ABTB3: variants seen among roughly 807,000 people sequenced by gnomAD.
ABTB3 encodes the protein ankyrin repeat- and BTB/POZ domain-containing protein 3.
At chr12:107,392,816 AAATG>A in the ABTB3 span, among the ~76,000 whole-genome samples, 3 of 152,212 alleles carry the variant, frequency 2.0e-5, no homozygotes, top group African/African-American at 7.2e-5. Flanking sequence ...ATGTTTACTA[AAATG>A]AAGTAAAACA....
the ABTB3 span, among the ~76,000 whole-genome samples, chr12:107,362,802 A>AG: frequency 6.6e-6 from 1 of 152,126 alleles, no homozygotes; most frequent in African/African-American, 2.4e-5. Context: ...AAAAAAAAAA[A>AG]AGATAGCTAA....
chr12:107,573,446 GTGGCTGGGTGGATGAATCGA>G, the ABTB3 span, among the ~76,000 whole-genome samples: 5 of 150,758 alleles, frequency 3.3e-5, no homozygotes, highest in African/African-American at 4.9e-5. Flanking sequence ...GAATGGATGG[GTGGCTGGGTGGATGAATCGA>G]TGGATGGATG....
the ABTB3 span, among the ~76,000 whole-genome samples, chr12:107,428,009 T>C: frequency 6.6e-6 from 1 of 151,786 alleles, no homozygotes; most frequent in African/African-American, 2.4e-5. Flanking sequence ...GCCCTCCTTG[T>C]TTCCACCTCA....
chr12:107,606,928 T>A, the ABTB3 span, among the ~76,000 whole-genome samples: 5 of 152,290 alleles, frequency 3.3e-5, no homozygotes, highest in East Asian at 9.7e-4. Flanking sequence ...GCTCTCTTAC[T>A]CTGGCCCGCC....
chr12:107,347,845 C>G, the ABTB3 span, among the ~76,000 whole-genome samples: 3 of 152,076 alleles, frequency 2.0e-5, no homozygotes, highest in Non-Finnish European at 4.4e-5. Context: ...TTGGAAAATG[C>G]AGTTGGCCAC....
chr12:107,610,809 C>T, the ABTB3 span, among the ~76,000 whole-genome samples: 171 of 152,210 alleles, frequency 1.1e-3, no homozygotes, highest in African/African-American at 3.7e-3. Flanking sequence ...CCCTAGGAGG[C>T]GACTCAGAGA....
chr12:107,575,270 G>A, the ABTB3 span, among the ~76,000 whole-genome samples: 6 of 152,212 alleles, frequency 3.9e-5, no homozygotes, highest in South Asian at 6.2e-4. Context: ...CCTCTATGTC[G>A]CTCTGTGTAG....
chr12:107,567,466 A>G, the ABTB3 span, among the ~76,000 whole-genome samples: 1 of 152,236 alleles, frequency 6.6e-6, no homozygotes, highest in Non-Finnish European at 1.5e-5. Context: ...GTTTAGTTAC[A>G]CAAATACTTC....
the ABTB3 span, among the ~76,000 whole-genome samples, chr12:107,361,720 G>C: frequency 6.6e-6 from 1 of 152,180 alleles, no homozygotes; most frequent in Admixed American, 6.5e-5. Flanking sequence ...CAGGGAGATA[G>C]AGATGGAAAT....
chr12:107,468,344 G>A, the ABTB3 span, among the ~76,000 whole-genome samples: 1 of 152,118 alleles, frequency 6.6e-6, no homozygotes. Context: ...TGGGAGAGAG[G>A]GAAGCTGACC....
the ABTB3 span, among the ~76,000 whole-genome samples, chr12:107,569,598 T>C: frequency 6.6e-6 from 1 of 152,358 alleles, no homozygotes; most frequent in Admixed American, 6.5e-5. Flanking sequence ...ATGATAACTG[T>C]TAAAAGGAAA....
the ABTB3 span, among the ~76,000 whole-genome samples, chr12:107,489,375 C>G: frequency 6.6e-6 from 1 of 152,076 alleles, no homozygotes; most frequent in African/African-American, 2.4e-5. Context: ...ACAAAACCAG[C>G]CGGGCGTGGT....
chr12:107,450,663 C>G, the ABTB3 span, among the ~76,000 whole-genome samples: 452 of 152,260 alleles, frequency 3.0e-3, 2 homozygotes, highest in Non-Finnish European at 5.0e-3. Context: ...AAACTCTAAT[C>G]CTCCTTCCTG....
chr12:107,370,523 C>T, the ABTB3 span, among the ~76,000 whole-genome samples: 52 of 152,190 alleles, frequency 3.4e-4, 1 homozygote, highest in Admixed American at 3.3e-3. Flanking sequence ...AGTATTTCTG[C>T]CTGGCTCCCC....
the ABTB3 span, among the ~76,000 whole-genome samples, chr12:107,457,610 G>A: frequency 6.6e-6 from 1 of 152,202 alleles, no homozygotes; most frequent in Non-Finnish European, 1.5e-5. Flanking sequence ...GCTCAGAGCT[G>A]TCCCAATTCC....
At chr12:107,445,074 C>A in the ABTB3 span, among the ~76,000 whole-genome samples, 1 of 152,246 alleles carries the variant, frequency 6.6e-6, no homozygotes, top group South Asian at 2.1e-4. Flanking sequence ...GGGGCCCCAT[C>A]TTCCTTAAAT....
At chr12:107,649,235 C>T in the ABTB3 span, 1 of 1,613,720 alleles carries the variant, frequency 6.2e-7, no homozygotes, top group Non-Finnish European at 8.5e-7. Context: ...ACTATGGTGG[C>T]CCAGAGTCAC....
the ABTB3 span, among the ~76,000 whole-genome samples, chr12:107,398,510 C>T: frequency 6.6e-6 from 1 of 152,254 alleles, no homozygotes. Flanking sequence ...TGAGAAGCAG[C>T]ATTTTCATAT....
At chr12:107,599,871 T>C in the ABTB3 span, among the ~76,000 whole-genome samples, 2 of 152,160 alleles carry the variant, frequency 1.3e-5, no homozygotes, top group African/African-American at 4.8e-5. Context: ...GACTCTGAGG[T>C]TCTCCAGAGC....
Sources: allele counts gnomAD v4.1 joint callset (sites outside exome capture counted in the v4.1 genomes callset), GRCh38; gene constraint gnomAD v4.1.1; transcripts MANE v1.5; gene names NCBI Gene and HGNC (gene_info 2026-07-23, HGNC 2026-07-21).